EDARADD: variants seen among roughly 807,000 people sequenced by gnomAD.
EDARADD encodes EDAR associated via death domain, also known as ectodysplasin-A receptor-associated adapter protein.
Under a neutral mutation model 25.6 loss-of-function variants are expected in EDARADD, and 20 were observed. That is an observed-to-expected ratio of 0.78 (90% CI 0.55 to 1.14). The LOEUF (loss-of-function observed/expected upper bound fraction) is 1.14, where lower values mean the gene tolerates loss of function less well. Ranked by LOEUF, EDARADD falls within the 50% of genes most tolerant of loss-of-function variation. The pLI, the probability that EDARADD is intolerant of heterozygous loss-of-function variation, is 0.00. For missense variants in EDARADD, 225 were observed against 270.1 expected (o/e 0.83, Z 1.17); for synonymous variants, 86 against 94.4 (o/e 0.91, Z 0.52).
chr1:236,478,381 G>GTGTGTA (rs1553271437), intron 5 of EDARADD, among the ~76,000 whole-genome samples: 1 of 145,786 alleles, frequency 6.9e-6, no homozygotes, highest in Non-Finnish European at 1.5e-5. Flanking sequence ...GTGTGTGTGT[G>GTGTGTA]TGTGTATGGA....
chr1:236,444,116 T>C (rs1327331313), intron 4 of EDARADD, among the ~76,000 whole-genome samples: 1 of 152,198 alleles, frequency 6.6e-6, no homozygotes, highest in African/African-American at 2.4e-5. Context: ...AAAATATTTT[T>C]AAGACGTACT....
Position 236,414,244 on chromosome 1 carries a change from T to C in EDARADD, c.121-16T>C, listed in dbSNP as rs1297096907. ...GGCATTTAAAAATAATTCTCCTCTT[T>C]TGTTGGTTTCTACAGTCAGACAAAT... On this transcript the variant is annotated splice_polypyrimidine_tract_variant and intron_variant, in intron 2 of 5. Coordinates refer to ENST00000334232, the MANE Select transcript of EDARADD (RefSeq NM_145861.4). The C allele has an allele frequency of 6.2e-7, 1 of 1,605,640 alleles. No individual in the cohort carries two copies.
At chr1:236,416,480 G>A (rs1657644545) in intron 3 of EDARADD, among the ~76,000 whole-genome samples, 2 of 152,132 alleles carry the variant, frequency 1.3e-5, no homozygotes, top group African/African-American at 4.8e-5. Context: ...AAAGATTGTT[G>A]CTTAGCAACC....
At chr1:236,397,004 A>G (rs1667526793) in intron 1 of EDARADD, among the ~76,000 whole-genome samples, 1 of 151,414 alleles carries the variant, frequency 6.6e-6, no homozygotes, top group African/African-American at 2.4e-5. Flanking sequence ...AAAGATCTTG[A>G]GAGAGATACA....
intron 3 of EDARADD, among the ~76,000 whole-genome samples, chr1:236,416,422 A>G (rs765377750): frequency 1.3e-5 from 2 of 152,228 alleles, no homozygotes; most frequent in African/African-American, 2.4e-5. Flanking sequence ...CATCAGGCTC[A>G]ATATCTTTTT....
At chr1:236,382,398 A>G (rs1667311928) in intron 3 of EDARADD, among the ~76,000 whole-genome samples, 1 of 152,168 alleles carries the variant, frequency 6.6e-6, no homozygotes, top group Non-Finnish European at 1.5e-5. Context: ...CTACAGTTAC[A>G]ATAAAAGTTT....
intron 4 of EDARADD, among the ~76,000 whole-genome samples, chr1:236,428,410 T>C (rs1386156433): frequency 2.0e-5 from 3 of 152,210 alleles, no homozygotes; most frequent in Non-Finnish European, 4.4e-5. Flanking sequence ...CTCTCTTTCT[T>C]TTCCCCACAC....
intron 1 of EDARADD, among the ~76,000 whole-genome samples, chr1:236,405,790 TTTTC>T (rs1667707659): frequency 4.0e-5 from 2 of 49,560 alleles, no homozygotes; most frequent in African/African-American, 1.3e-4. Flanking sequence ...TCTTTCTTTC[TTTTC>T]TTTTTCTTTC....
chr1:236,356,902 G>A (rs1666984543), intron 3 of EDARADD, among the ~76,000 whole-genome samples: 1 of 151,974 alleles, frequency 6.6e-6, no homozygotes. Flanking sequence ...TGGACAACAT[G>A]GAGAAAACAC....
Position 236,482,510 on chromosome 1 carries a change from G to T in EDARADD, c.509G>T (p.Arg170Leu). Residue 170 changes from arginine (R) to leucine (L), a missense_variant, in exon 6 of 6, where the codon CGG becomes CTG. Transcript: ENST00000334232. ...AGCCCCACCTTGGAGTTCTTGCTCC[G>T]GAACAGTCAGAGGACGGTGGGCCAG... Reference protein sequence around the residue: ...PQSPTLEFLLRNSQRTVGQLM... With the variant: ...PQSPTLEFLLLNSQRTVGQLM... 1 of 1,613,294 alleles carries T rather than the reference G, an allele frequency of 6.2e-7. No homozygotes were observed. Among genetic ancestry groups the T allele is most frequent in the Non-Finnish European group, 8.5e-7 (1 of 1,179,446 alleles).
chr1:236,408,243 C>T (rs1342268500), intron 1 of EDARADD, among the ~76,000 whole-genome samples: 1 of 152,074 alleles, frequency 6.6e-6, no homozygotes, highest in East Asian at 1.9e-4. Context: ...TGCTCTGTCA[C>T]CCAGGCTGGA....
chr1:236,462,969 T>C (rs920344756), intron 4 of EDARADD, among the ~76,000 whole-genome samples: 1 of 152,232 alleles, frequency 6.6e-6, no homozygotes, highest in African/African-American at 2.4e-5. Context: ...TCCCAGCCAG[T>C]GTTAAGAAAA....
At chr1:236,446,675 G>T (rs1236766141) in intron 4 of EDARADD, among the ~76,000 whole-genome samples, 1 of 152,174 alleles carries the variant, frequency 6.6e-6, no homozygotes, top group Non-Finnish European at 1.5e-5. Flanking sequence ...GCATGAAATA[G>T]AATTATTTTT....
chr1:236,411,824 T>C (rs57436300), intron 2 of EDARADD, among the ~76,000 whole-genome samples: 23,219 of 152,180 alleles, frequency 0.15, 1,938 homozygotes, highest in African/African-American at 0.21. Flanking sequence ...GTGCTGGGAT[T>C]ACAGGCGTGA....
intron 5 of EDARADD, among the ~76,000 whole-genome samples, chr1:236,480,186 A>G (rs1659634469): frequency 7.1e-6 from 1 of 141,586 alleles, no homozygotes; most frequent in Admixed American, 7.3e-5. Context: ...TAATCGTAGA[A>G]TTCATACATT....
chr1:236,468,157 T>C (rs998516716), intron 4 of EDARADD, 74 bp from the exon 5 acceptor site: 15 of 1,483,066 alleles, frequency 1.0e-5, no homozygotes, highest in South Asian at 1.1e-5. Context: ...GAAATTTAAC[T>C]AAGTTGGAAG....
At chr1:236,452,503 T>C (rs1253628) in intron 4 of EDARADD, among the ~76,000 whole-genome samples, 95,471 of 138,270 alleles carry the variant, frequency 0.69, 33,129 homozygotes, top group East Asian at 0.81. Context: ...CGATCCCCCC[T>C]CTCTCTCTCT....
rs5781885 is a variant in EDARADD at position 236,436,624 on chromosome 1, CAAAAA to C, written c.219+9190_219+9194del. ...CATGGGTGACAGAGCAAGATCTTGT[CAAAAA>C]AAAAAAAAAAAAAAAGTAAGAACCT... On this transcript the variant is annotated intron_variant, in intron 4 of 5. Transcript: ENST00000334232. 5.3e-5 allele frequency among the ~76,000 whole-genome samples: 5 copies of C among 94,214 alleles called. No homozygotes were observed. The East Asian group carries it at 1.1e-3, about 21-fold the overall frequency. The allele number at this position is 94,214 out of a possible 152,430, so 61.8% of individuals were successfully genotyped here.
chr1:236,438,509 T>C (rs1161435684), intron 4 of EDARADD, among the ~76,000 whole-genome samples: 1 of 152,112 alleles, frequency 6.6e-6, no homozygotes, highest in East Asian at 1.9e-4. Flanking sequence ...AAACCACTTG[T>C]TTGGGCAGTG....
Sources: gnomAD v4.1 joint callset for allele counts (sites outside exome capture counted in the v4.1 genomes callset) on GRCh38, gnomAD v4.1.1 for gene constraint, MANE v1.5 for transcripts, NCBI Gene and HGNC (gene_info 2026-07-23, HGNC 2026-07-21) for gene names.